Variants in CRTC1 observed in about 807,000 individuals in gnomAD.
CRTC1 encodes the protein CREB regulated transcription coactivator 1, also known as CREB-regulated transcription coactivator 1.
CRTC1 carries 18 observed loss-of-function variants against 66.1 expected under a neutral mutation model. That is an observed-to-expected ratio of 0.27 (90% CI 0.19 to 0.40). The LOEUF (loss-of-function observed/expected upper bound fraction) is 0.40, where lower values mean the gene tolerates loss of function less well. Among genes scored for constraint, CRTC1 ranks in the 10% least tolerant of loss-of-function variants. The pLI is 1.00. For synonymous variants in CRTC1, 416 were observed against 398.8 expected (o/e 1.04, Z -0.51); for missense variants, 669 against 887.9 (o/e 0.75, Z 3.13).
intron 1 of CRTC1, among the ~76,000 whole-genome samples, chr19:18,713,141 G>A (rs763457084): frequency 5.9e-5 from 9 of 152,164 alleles, no homozygotes; most frequent in Non-Finnish European, 7.3e-5. Context: ...ACTCAGCATC[G>A]TGTCTTCAGG....
chr19:18,757,686 C>T (rs1036278757), intron 6 of CRTC1, among the ~76,000 whole-genome samples: 4 of 151,836 alleles, frequency 2.6e-5, no homozygotes, highest in Non-Finnish European at 5.9e-5. Context: ...CCAGCCTGGA[C>T]AACACGGTGA....
intron 1 of CRTC1, among the ~76,000 whole-genome samples, chr19:18,724,047 G>A (rs2053688332): frequency 6.6e-6 from 1 of 152,232 alleles, no homozygotes; most frequent in Non-Finnish European, 1.5e-5. Flanking sequence ...ACAGAACAGA[G>A]CATCCCACAT....
intron 5 of CRTC1, among the ~76,000 whole-genome samples, chr19:18,751,215 A>G (rs530963039): frequency 1.3e-5 from 2 of 152,316 alleles, no homozygotes; most frequent in South Asian, 4.1e-4. Context: ...TGAAATGTGC[A>G]ACAGGCATAA....
intron 4 of CRTC1, among the ~76,000 whole-genome samples, chr19:18,748,374 ATTT>A (rs777077338): frequency 1.3e-5 from 1 of 75,374 alleles, no homozygotes; most frequent in Middle Eastern, 0.01. Flanking sequence ...CTTCCAGCTG[ATTT>A]TTTTTTTTTT....
intron 1 of CRTC1, among the ~76,000 whole-genome samples, chr19:18,723,740 G>T (rs139428489): frequency 1.3e-5 from 2 of 152,210 alleles, no homozygotes; most frequent in South Asian, 4.1e-4. Context: ...TATGTGTTTC[G>T]ATGTGGTCAG....
chr19:18,765,353 C>T (rs771511217), intron 8 of CRTC1, 51 bp from the exon 9 acceptor site: 20 of 1,570,088 alleles, frequency 1.3e-5, no homozygotes, highest in Non-Finnish European at 1.6e-5. Flanking sequence ...GCAGCCCTTT[C>T]TCAGTGATCA....
chr19:18,780,189 C>G lies in CRTC1; in HGVS notation c.*2807C>G, dbSNP rs879936552. On this transcript the variant is annotated 3_prime_UTR_variant, in exon 14 of 14. Coordinates refer to ENST00000321949, the MANE Select transcript of CRTC1 (RefSeq NM_015321.3). ...CCGCCGTCTGTGTCCTTGGTCAGGC[C>G]CGGATGCTTGGTCTACACTGGGTTA... is the stretch of plus-strand genomic sequence containing the variant. 3 of 231,686 alleles carry G rather than the reference C, an allele frequency of 1.3e-5. No individual in the cohort carries two copies. Among genetic ancestry groups the G allele is most frequent in the Non-Finnish European group, 2.6e-5 (3 of 117,200 alleles). 14.4% of individuals were successfully genotyped at this position (231,686 alleles called of 1,614,324 possible).
Position 18,777,352 on chromosome 19 carries a change from C to G in CRTC1, c.1875C>G (p.Thr625=), listed in dbSNP as rs369650858. ...ACATGGTTCTGGCCGACCCAGCCACCGAGGACACCTTCCGGATGGACCGCC... is the reference window on the plus strand; with the variant it reads ...ACATGGTTCTGGCCGACCCAGCCACGGAGGACACCTTCCGGATGGACCGCC... The part of the protein sequence containing the change: ...DPDMVLADPA[T]EDTFRMDRL Residue 625 remains threonine (T), a synonymous_variant, in exon 14 of 14, where the codon ACC becomes ACG. Transcript: ENST00000321949. The surrounding 1 kb of genome is among the most constrained non-coding windows in gnomAD (Gnocchi z 5.5). 27 of 1,606,344 alleles carry G rather than the reference C, an allele frequency of 1.7e-5. No homozygotes were observed. In the East Asian group the frequency reaches 5.8e-4, roughly 34 times the overall value.
At chr19:18,748,013 G>A (rs1196657494) in intron 4 of CRTC1, among the ~76,000 whole-genome samples, 1 of 152,132 alleles carries the variant, frequency 6.6e-6, no homozygotes, top group Non-Finnish European at 1.5e-5. Context: ...GGAGGTCAAG[G>A]CTGCAGTGAG....
chr19:18,690,941 G>A (rs2052816163), intron 1 of CRTC1, among the ~76,000 whole-genome samples: 1 of 151,538 alleles, frequency 6.6e-6, no homozygotes, highest in Admixed American at 6.6e-5. Context: ...CAGGAGAATG[G>A]CGTGAACCTG....
At position 18,690,004 on chromosome 19, in the gene CRTC1, C is replaced by T. The variant is rs2052791903; in HGVS notation, c.126+6176C>T. On this transcript the variant is annotated intron_variant, in intron 1 of 13. Transcript: ENST00000321949. The stretch of plus-strand genomic sequence containing the variant: ...AGATCAGGGGGAATGATAGCTGGAG[C>T]AAGGGGGTGACAGAGCGGGTGGATT... Among the ~76,000 whole-genome samples the T allele has an allele frequency of 2.7e-5, 4 of 146,726 alleles. No homozygotes were observed. The South Asian group carries it at 8.4e-4, about 31-fold the overall frequency.
rs1451238962 is a variant in CRTC1 at position 18,749,775 on chromosome 19, C to G, written c.444-6C>G. 1 of 1,613,412 alleles carries G rather than the reference C, an allele frequency of 6.2e-7. No homozygotes were observed. The highest frequency in any genetic ancestry group is 1.7e-5 in the Admixed American group (1 of 60,026). ...GGCTCATTGTCTCTTCCTCCCTCCCCACCAGGACCAATTCTGACTCCGCCC... is the reference window on the plus strand; with the variant it reads ...GGCTCATTGTCTCTTCCTCCCTCCCGACCAGGACCAATTCTGACTCCGCCC... On this transcript the variant is annotated splice_region_variant and splice_polypyrimidine_tract_variant and intron_variant, in intron 4 of 13. Coordinates refer to ENST00000321949, the MANE Select transcript of CRTC1 (RefSeq NM_015321.3).
At position 18,715,703 on chromosome 19, in the gene CRTC1, CT is replaced by C. The variant is rs963875422; in HGVS notation, c.127-27204del. 4.3e-4 allele frequency among the ~76,000 whole-genome samples: 66 copies of C among 152,334 alleles called. 1 individual carries two copies. The highest frequency in any genetic ancestry group is 1.3e-4 in the Non-Finnish European group (9 of 68,034). On this transcript the variant is annotated intron_variant, in intron 1 of 13. Transcript: ENST00000321949. ...GTGTGTGGACATCATGATGCTTTTG[CT>C]TTCGTCATTTGTGTGATTGCATCTT...
intron 1 of CRTC1, among the ~76,000 whole-genome samples, chr19:18,716,830 G>C (rs1157155497): frequency 6.6e-6 from 1 of 152,156 alleles, no homozygotes; most frequent in Non-Finnish European, 1.5e-5. Flanking sequence ...CCAGAATGAG[G>C]ACAGAAGAGG....
intron 3 of CRTC1, among the ~76,000 whole-genome samples, chr19:18,746,522 C>A (rs2054241822): frequency 6.6e-6 from 1 of 150,986 alleles, no homozygotes; most frequent in Non-Finnish European, 1.5e-5. Flanking sequence ...GCTCAGCCAG[C>A]CGGGCCCCAC....
chr19:18,692,224 C>A (rs568769413), intron 1 of CRTC1, among the ~76,000 whole-genome samples: 1 of 152,200 alleles, frequency 6.6e-6, no homozygotes, highest in African/African-American at 2.4e-5. Flanking sequence ...ACAAAACCTG[C>A]GGAGCCAGCT....
chr19:18,700,705 C>T lies in CRTC1; in HGVS notation c.126+16877C>T, dbSNP rs142702090. Among the ~76,000 whole-genome samples the T allele has an allele frequency of 3.4e-3, 524 of 152,262 alleles. 3 individuals are homozygous for T. Among genetic ancestry groups the T allele is most frequent in the African/African-American group, 0.012 (504 of 41,546 alleles). ...GAAGTATCAGCACAGCCTAGCAGGGCGCCTGGGACTGGCTCTGTGGGCTGG... is the reference window on the plus strand; with the variant it reads ...GAAGTATCAGCACAGCCTAGCAGGGTGCCTGGGACTGGCTCTGTGGGCTGG... On this transcript the variant is annotated intron_variant, in intron 1 of 13. Transcript: ENST00000321949.
intron 13 of CRTC1, among the ~76,000 whole-genome samples, chr19:18,776,566 GC>G (rs2054993468): frequency 6.6e-6 from 1 of 152,220 alleles, no homozygotes; most frequent in Admixed American, 6.5e-5. Context: ...TCGGGTGTAG[GC>G]AGCAGTTGAC....
chr19:18,744,756 TG>T (rs1391419752), intron 2 of CRTC1, among the ~76,000 whole-genome samples: 1 of 152,116 alleles, frequency 6.6e-6, no homozygotes, highest in Non-Finnish European at 1.5e-5. Flanking sequence ...CACAGCCTTT[TG>T]GGGGCAAGAG....
Sources: gnomAD v4.1 joint callset for allele counts (sites outside exome capture counted in the v4.1 genomes callset) on GRCh38, gnomAD v4.1.1 for gene constraint, Gnocchi (gnomAD v3.1) non-coding constraint, MANE v1.5 for transcripts, NCBI Gene and HGNC (gene_info 2026-07-23, HGNC 2026-07-21) for gene names.